CRISP2: variants seen among roughly 807,000 people sequenced by gnomAD.
CRISP2 encodes the protein cysteine rich secretory protein 2, also known as cysteine-rich secretory protein 2.
CRISP2 carries 29 observed loss-of-function variants against 31.7 expected under a neutral mutation model. That is an observed-to-expected ratio of 0.92 (90% CI 0.68 to 1.25). The LOEUF (loss-of-function observed/expected upper bound fraction) is 1.25, where lower values mean the gene tolerates loss of function less well. Ranked by LOEUF, CRISP2 falls within the 50% of genes most tolerant of loss-of-function variation. The pLI is 0.00. For synonymous variants in CRISP2, 111 were observed against 101.4 expected (o/e 1.09, Z -0.57); for missense variants, 318 against 286.5 (o/e 1.11, Z -0.79).
At chr6:49,701,546 T>C (rs1382212260) in intron 4 of CRISP2, among the ~76,000 whole-genome samples, 1 of 129,944 alleles carries the variant, frequency 7.7e-6, no homozygotes, top group Non-Finnish European at 1.6e-5. Flanking sequence ...ACACACACAG[T>C]ATATATATAT....
chr6:49,713,550 C>G (rs1768415563), upstream of CRISP2: 1 of 152,230 alleles, frequency 6.6e-6, no homozygotes, highest in Non-Finnish European at 1.5e-5. Flanking sequence ...CTGCGGCGCG[C>G]CCCTCTCACC....
rs1765517802 is a variant in CRISP2, at chr6:49,700,706, T to G, written c.145A>C (p.Lys49Gln). Residue 49 changes from lysine to glutamine, a missense_variant, in exon 5 of 10, where the codon AAA (lysine) becomes CAA (glutamine). By Grantham distance (53) the Lys-to-Gln change is moderately conservative. Transcript: ENST00000339139. ...EIVNKHNELR[K>Q]AVSPPASNML... Reference sequence around the variant, plus strand: ...TTACTGGCAGGTGGAGAGACTGCTTTCCTTAGTTCATTGTGTTTATTTACA... The same window carrying G: ...TTACTGGCAGGTGGAGAGACTGCTTGCCTTAGTTCATTGTGTTTATTTACA... The G allele has an allele frequency of 6.2e-7, 1 of 1,612,658 alleles. No individual in the cohort carries two copies. The highest frequency in any genetic ancestry group is 8.5e-7 in the Non-Finnish European group (1 of 1,179,058).
At chr6:49,678,908 C>G in the CRISP2 span, among the ~76,000 whole-genome samples, 2 of 152,156 alleles carry the variant, frequency 1.3e-5, no homozygotes, top group African/African-American at 4.8e-5. Context: ...TTGTATGCCA[C>G]AGAATTGGTG....
At chr6:49,679,788 C>A in the CRISP2 span, among the ~76,000 whole-genome samples, 2 of 152,090 alleles carry the variant, frequency 1.3e-5, no homozygotes, top group Admixed American at 1.3e-4. Flanking sequence ...TCACTGCAAC[C>A]TCTGCCTGCT....
intron 4 of CRISP2, among the ~76,000 whole-genome samples, chr6:49,701,093 C>T (rs192814232): frequency 1.3e-5 from 2 of 151,986 alleles, no homozygotes; most frequent in Non-Finnish European, 2.9e-5. Flanking sequence ...CTAAAAACCC[C>T]TCTGAGGCCA....
chr6:49,699,140 T>G (rs1765240737), intron 6 of CRISP2, among the ~76,000 whole-genome samples: 1 of 152,246 alleles, frequency 6.6e-6, no homozygotes. Context: ...GTTTTTATAA[T>G]CCTTGATATG....
intron 8 of CRISP2, 153 bp downstream of exon 8, chr6:49,697,707 G>A: frequency 6.6e-7 from 1 of 1,523,840 alleles, no homozygotes; most frequent in Non-Finnish European, 8.8e-7. Context: ...CCTCTGAGAA[G>A]TTGAAAGTGT....
At chr6:49,692,982 G>A (rs1218154732) in intron 9 of CRISP2, 82 bp from the exon 10 acceptor site, 8 of 1,467,232 alleles carry the variant, frequency 5.5e-6, no homozygotes, top group Admixed American at 3.5e-5. Context: ...TGTGGGGAGG[G>A]GGTAGGAGGG....
intron 9 of CRISP2, 139 bp downstream of exon 9, chr6:49,695,697 T>C: frequency 4.8e-6 from 3 of 631,356 alleles, no homozygotes; most frequent in Non-Finnish European, 5.5e-6. Flanking sequence ...TGTTTAAGCA[T>C]ACTTTGTTGA....
chr6:49,702,182 T>A lies in CRISP2; in HGVS notation c.67-1398A>T, dbSNP rs867506277. Among the ~76,000 whole-genome samples the A allele has an allele frequency of 1.1e-3, 128 of 120,418 alleles. 2 individuals are homozygous for A. The highest frequency in any genetic ancestry group is 9.9e-3 in the Middle Eastern group (2 of 202). The allele number at this position is 120,418 out of a possible 152,430, so 79.0% of individuals were successfully genotyped here. ...ATATATATATATATATATATATATATAACATTTTCTTTATCCACTCATTGA... is the reference window on the plus strand; with the variant it reads ...ATATATATATATATATATATATATAAAACATTTTCTTTATCCACTCATTGA... On this transcript the variant is annotated intron_variant, in intron 4 of 9. Transcript: ENST00000339139.
At chr6:49,709,905 A>G (rs1322374268) in intron 3 of CRISP2, among the ~76,000 whole-genome samples, 1 of 152,214 alleles carries the variant, frequency 6.6e-6, no homozygotes, top group Non-Finnish European at 1.5e-5. Flanking sequence ...TCTCCTAAAA[A>G]GACACTCAGC....
intron 8 of CRISP2, among the ~76,000 whole-genome samples, chr6:49,697,075 G>C (rs1258023681): frequency 6.6e-6 from 1 of 152,006 alleles, no homozygotes; most frequent in African/African-American, 2.4e-5. Flanking sequence ...CATCATCTTC[G>C]CTATCTACAG....
chr6:49,707,278 TTAA>T (rs1767219117), intron 4 of CRISP2, among the ~76,000 whole-genome samples: 1 of 152,164 alleles, frequency 6.6e-6, no homozygotes, highest in Non-Finnish European at 1.5e-5. Flanking sequence ...AAAACTGATC[TTAA>T]TGATCTACAA....
At position 49,700,537 on chromosome 6, in the gene CRISP2, T is replaced by C. The variant is rs551426704; in HGVS notation, c.183+131A>G. On this transcript the variant is annotated intron_variant, in intron 5 of 9. Transcript: ENST00000339139. ...CAAGAATACAATCCTCTCCATATAATGGTTCAAATAAAATAACAAAACAGA... is the reference window on the plus strand; with the variant it reads ...CAAGAATACAATCCTCTCCATATAACGGTTCAAATAAAATAACAAAACAGA... The C allele has an allele frequency of 1.2e-3, 823 of 689,012 alleles. 10 individuals are homozygous for C. Among genetic ancestry groups the C allele is most frequent in the South Asian group, 7.0e-3 (417 of 59,662 alleles). 42.7% of individuals were successfully genotyped at this position (689,012 alleles called of 1,614,324 possible).
At chr6:49,678,227 C>T in the CRISP2 span, among the ~76,000 whole-genome samples, 13 of 152,238 alleles carry the variant, frequency 8.5e-5, no homozygotes, top group African/African-American at 2.6e-4. Context: ...GGGTGCTAAG[C>T]GCTTTAGCGG....
Position 49,709,147 on chromosome 6 carries a change from A to G in CRISP2, c.50T>C (p.Leu17Ser), listed in dbSNP as rs199844467. 2.7e-5 allele frequency: 43 copies of G among 1,613,808 alleles called. No homozygotes were observed. The East Asian group carries it at 9.4e-4, about 35-fold the overall frequency. ...TAACCTTACCTTTCCTTCTGCAGGTAAAGATGGAAGCAGCACAGTAACCAG... is the reference window on the plus strand; with the variant it reads ...TAACCTTACCTTTCCTTCTGCAGGTGAAGATGGAAGCAGCACAGTAACCAG... ...LFLVTVLLPSLPAEGKDPAFT... is the reference protein window; with the variant it reads ...LFLVTVLLPSSPAEGKDPAFT... Residue 17 changes from leucine (L) to serine (S), a missense_variant, in exon 4 of 10, where the codon TTA becomes TCA. Physicochemically the swap from Leu to Ser is moderately radical, Grantham distance 145. Coordinates refer to ENST00000339139, the MANE Select transcript of CRISP2 (RefSeq NM_003296.4).
chr6:49,689,028 C>T (rs1181584100), downstream of CRISP2, among the ~76,000 whole-genome samples: 1 of 152,120 alleles, frequency 6.6e-6, no homozygotes, highest in Non-Finnish European at 1.5e-5. Flanking sequence ...CCTGCCATGA[C>T]GTCCGGCAAA....
chr6:49,689,991 T>A (rs1763997927), downstream of CRISP2, among the ~76,000 whole-genome samples: 1 of 152,170 alleles, frequency 6.6e-6, no homozygotes, highest in Non-Finnish European at 1.5e-5. Flanking sequence ...AATTTCTATA[T>A]CTGCTTTATT....
At chr6:49,680,748 A>G in the CRISP2 span, among the ~76,000 whole-genome samples, 1 of 152,130 alleles carries the variant, frequency 6.6e-6, no homozygotes, top group African/African-American at 2.4e-5. Context: ...TTCTCTAATG[A>G]TCCGTGATGT....
Sources: allele counts gnomAD v4.1 joint callset (sites outside exome capture counted in the v4.1 genomes callset), GRCh38; gene constraint gnomAD v4.1.1; transcripts MANE v1.5; gene names NCBI Gene and HGNC (gene_info 2026-07-23, HGNC 2026-07-21).